The following DGKB variants were observed in gnomAD, a reference collection of about 807,000 sequenced individuals.
DGKB encodes the protein diacylglycerol kinase beta.
Under a neutral mutation model 114.3 loss-of-function variants are expected in DGKB, and 67 were observed. The observed-to-expected ratio is 0.59, with a 90% CI of 0.48 to 0.72. The LOEUF (loss-of-function observed/expected upper bound fraction) is 0.72, where lower values mean the gene tolerates loss of function less well. Ranked by LOEUF, DGKB falls within the 30% of genes least tolerant of loss-of-function variation. The pLI, the probability that DGKB is intolerant of heterozygous loss-of-function variation, is 0.00. For missense variants in DGKB, 907 were observed against 975.2 expected, an observed-to-expected ratio of 0.93 and a Z score of 0.93; for synonymous variants, 398 against 323.1, an observed-to-expected ratio of 1.23 and a Z score of -2.49.
intron 22 of DGKB, among the ~76,000 whole-genome samples, chr7:14,344,619 T>C (rs200061484): frequency 6.6e-6 from 1 of 151,654 alleles, no homozygotes; most frequent in East Asian, 1.9e-4. Context: ...AATATAACTT[T>C]TCTTTTTTCT....
At chr7:14,426,244 T>C (rs558430916) in intron 21 of DGKB, among the ~76,000 whole-genome samples, 3 of 152,182 alleles carry the variant, frequency 2.0e-5, no homozygotes, top group African/African-American at 7.2e-5. Context: ...GCTGGCTCAT[T>C]GCACTGAAAA....
chr7:14,424,211 G>T (rs1033120269), intron 21 of DGKB, among the ~76,000 whole-genome samples: 1 of 151,926 alleles, frequency 6.6e-6, no homozygotes, highest in Admixed American at 6.6e-5. Flanking sequence ...CTGAACCTCT[G>T]CTCTTTTTCT....
chr7:14,709,931 C>T (rs1474636672), intron 6 of DGKB, among the ~76,000 whole-genome samples: 2 of 132,844 alleles, frequency 1.5e-5, no homozygotes, highest in East Asian at 2.2e-4. Flanking sequence ...CTAACCTGCA[C>T]AATGTGCACA....
At chr7:14,763,987 C>T (rs768103233) in intron 2 of DGKB, among the ~76,000 whole-genome samples, 31 of 151,972 alleles carry the variant, frequency 2.0e-4, no homozygotes, top group Middle Eastern at 3.4e-3. Context: ...AGTCATCTTT[C>T]GGGTCTCTCA....
At chr7:14,288,839 G>T (rs1399786455) in intron 23 of DGKB, among the ~76,000 whole-genome samples, 2 of 152,130 alleles carry the variant, frequency 1.3e-5, no homozygotes, top group Admixed American at 1.3e-4. Context: ...GACGTGTTGT[G>T]GTGGGTCAGT....
At chr7:14,574,511 A>G (rs373353620) in intron 19 of DGKB, 139 bp from the exon 20 acceptor site, 1 of 683,992 alleles carries the variant, frequency 1.5e-6, no homozygotes, top group Non-Finnish European at 2.4e-6. Flanking sequence ...CCACCAAATG[A>G]AGAATTAATT....
At chr7:14,966,194 G>C (rs1034028971) in intron 1 of DGKB, among the ~76,000 whole-genome samples, 6 of 151,856 alleles carry the variant, frequency 4.0e-5, no homozygotes, top group African/African-American at 1.5e-4. Flanking sequence ...TGGCTAAAAA[G>C]AAAAATACAA....
chr7:14,740,700 G>C (rs1002616628), intron 4 of DGKB, among the ~76,000 whole-genome samples: 1 of 152,076 alleles, frequency 6.6e-6, no homozygotes, highest in Admixed American at 6.5e-5. Flanking sequence ...GGTCATACTA[G>C]TATCCATGGC....
chr7:14,290,663 T>C lies in DGKB; in HGVS notation c.2122+47852A>G, dbSNP rs114260678. 8.9e-3 allele frequency among the ~76,000 whole-genome samples: 1,355 copies of C among 152,276 alleles called. 16 individuals are homozygous for C. Among genetic ancestry groups the C allele is most frequent in the African/African-American group, 0.031 (1,294 of 41,554 alleles). On this transcript the variant is annotated intron_variant, in intron 23 of 25. Transcript: ENST00000402815. The stretch of plus-strand genomic sequence containing the variant: ...TCTTCCCAGAGGAGACACTAACTAC[T>C]CTTCACATGCTATTAGGTGAAGAGT...
intron 23 of DGKB, among the ~76,000 whole-genome samples, chr7:14,312,809 T>G (rs1378716321): frequency 1.3e-5 from 2 of 152,198 alleles, no homozygotes; most frequent in Non-Finnish European, 2.9e-5. Flanking sequence ...CAGTATTTGT[T>G]CCCAATGATA....
intron 18 of DGKB, among the ~76,000 whole-genome samples, 184 bp from the exon 19 acceptor site, chr7:14,581,135 T>C (rs1385345587): frequency 1.3e-5 from 2 of 152,204 alleles, no homozygotes; most frequent in African/African-American, 2.4e-5. Flanking sequence ...TTTGTAGCAA[T>C]TGATAAGACA....
chr7:14,456,809 A>G (rs555588874), intron 21 of DGKB, among the ~76,000 whole-genome samples: 6 of 152,236 alleles, frequency 3.9e-5, no homozygotes, highest in African/African-American at 1.4e-4. Flanking sequence ...TGAAAACCTA[A>G]TTATCACCTT....
At chr7:14,868,333 C>T (rs1480782266) in intron 1 of DGKB, among the ~76,000 whole-genome samples, 1 of 110,348 alleles carries the variant, frequency 9.1e-6, no homozygotes, top group Non-Finnish European at 1.8e-5. Context: ...TTTTTTCTTT[C>T]CTTTTCATTT....
intron 20 of DGKB, among the ~76,000 whole-genome samples, chr7:14,502,645 A>G (rs1408496209): frequency 1.3e-5 from 2 of 152,120 alleles, no homozygotes; most frequent in African/African-American, 2.4e-5. Context: ...ATAGAAATAT[A>G]GAGATCGCAA....
At chr7:14,205,501 G>A (rs112122826) in intron 23 of DGKB, among the ~76,000 whole-genome samples, 2 of 151,822 alleles carry the variant, frequency 1.3e-5, no homozygotes, top group African/African-American at 4.8e-5. Flanking sequence ...GAATTGTTTG[G>A]CTCATAACAT....
chr7:14,769,170 AGGAAAGAGAAAG>A (rs1836974645), intron 2 of DGKB, among the ~76,000 whole-genome samples: 1 of 139,708 alleles, frequency 7.2e-6, no homozygotes, highest in Admixed American at 7.3e-5. Context: ...AGGGAAGGGA[AGGAAAGAGAAAG>A]GAAAGAAAGA....
upstream of DGKB, among the ~76,000 whole-genome samples, chr7:14,908,220 A>T: frequency 6.6e-6 from 1 of 152,108 alleles, no homozygotes; most frequent in East Asian, 1.9e-4. Context: ...ATTTTATTTT[A>T]TTTTTTTGAG....
At chr7:14,266,791 G>A (rs1797580570) in intron 23 of DGKB, among the ~76,000 whole-genome samples, 1 of 152,094 alleles carries the variant, frequency 6.6e-6, no homozygotes, top group African/African-American at 2.4e-5. Flanking sequence ...TAACTAAATA[G>A]ACAATACTGT....
chr7:14,197,897 CTTCT>C (rs1785255158), intron 23 of DGKB, among the ~76,000 whole-genome samples: 1 of 152,064 alleles, frequency 6.6e-6, no homozygotes, highest in Non-Finnish European at 1.5e-5. Flanking sequence ...GGAATCATAA[CTTCT>C]TTCTGACACA....
Sources: gnomAD v4.1 joint callset for allele counts (sites outside exome capture counted in the v4.1 genomes callset) on GRCh38, gnomAD v4.1.1 for gene constraint, MANE v1.5 for transcripts, NCBI Gene and HGNC (gene_info 2026-07-23, HGNC 2026-07-21) for gene names.